The following NAV2 variants were observed in gnomAD, a reference collection of about 807,000 sequenced individuals.
NAV2 encodes neuron navigator 2.
A neutral mutation model predicts 223.2 loss-of-function variants in NAV2; 54 were observed. The observed-to-expected ratio is 0.24, with a 90% CI of 0.19 to 0.30. The LOEUF (loss-of-function observed/expected upper bound fraction) is 0.30, where lower values mean the gene tolerates loss of function less well. Ranked by LOEUF, NAV2 falls within the 10% of genes least tolerant of loss-of-function variation. NAV2 has a pLI of 1.00. For missense variants in NAV2, 2,806 were observed against 3,147.5 expected (o/e 0.89, Z 2.60); for synonymous variants, 1,279 against 1,239.3 (o/e 1.03, Z -0.67).
chr11:19,933,473 G>A lies in NAV2; in HGVS notation c.1229G>A (p.Ser410Asn). 1 of 1,610,488 alleles carries A rather than the reference G, an allele frequency of 6.2e-7. No homozygotes were observed. The highest frequency in any genetic ancestry group is 8.5e-7 in the Non-Finnish European group (1 of 1,178,600). Residue 410 changes from serine to asparagine, a missense_variant, in exon 7 of 38, where the codon AGT becomes AAT. By Grantham distance (46) the Ser-to-Asn change is conservative (BLOSUM62 1). Around this residue, in one of 4 missense-constraint regions of NAV2, gnomAD observed 1,167 missense variants for 1,180.5 expected, o/e 0.99. Coordinates refer to ENST00000349880, the MANE Select transcript of NAV2 (RefSeq NM_145117.5). This position sits in a 1 kb window ranked among gnomAD's most constrained non-coding sequence, Gnocchi z 4.3. ...SMLEKLKLFNSKGGSKAGEGP... is the reference protein window; with the variant it reads ...SMLEKLKLFNNKGGSKAGEGP... ...CTGGAAAAGCTGAAACTTTTCAACA[G>A]TAAAGGGGGCTCAAAGGCAGGTGAG...
chr11:19,540,757 G>A (rs1200498760), intron 1 of NAV2, among the ~76,000 whole-genome samples: 5 of 152,212 alleles, frequency 3.3e-5, no homozygotes, highest in Non-Finnish European at 7.3e-5. Flanking sequence ...CTGGCCAGGC[G>A]TGGTGGTTCA....
intron 1 of NAV2, among the ~76,000 whole-genome samples, chr11:19,555,012 C>CAAAAAAA (rs66625282): frequency 7.1e-6 from 1 of 141,554 alleles, no homozygotes; most frequent in African/African-American, 2.7e-5. Context: ...CCATGTTTTG[C>CAAAAAAA]AAAAAAAAAA....
chr11:19,645,975 A>G (rs990149876), intron 1 of NAV2, among the ~76,000 whole-genome samples: 2 of 152,236 alleles, frequency 1.3e-5, no homozygotes, highest in Non-Finnish European at 2.9e-5. Context: ...GCTGCGGCCA[A>G]GAACCTGGGT....
intron 1 of NAV2, among the ~76,000 whole-genome samples, chr11:19,406,577 A>C (rs1849907695): frequency 6.6e-6 from 1 of 152,080 alleles, no homozygotes; most frequent in South Asian, 2.1e-4. Flanking sequence ...CCGCCAATGA[A>C]GTTATACATT....
intron 1 of NAV2, among the ~76,000 whole-genome samples, chr11:19,820,998 C>A (rs529728672): frequency 1.3e-5 from 2 of 152,336 alleles, no homozygotes; most frequent in Admixed American, 6.5e-5. Flanking sequence ...CGCAGTGGCT[C>A]ACGCCTGTAA....
In NAV2 at chr11:20,036,047, A is replaced by C. The variant is rs762108270; in HGVS notation, c.2857A>C (p.Ser953Arg). The C allele has an allele frequency of 2.5e-6, 4 of 1,614,070 alleles. No individual in the cohort carries two copies. Among genetic ancestry groups the C allele is most frequent in the Admixed American group, 1.7e-5 (1 of 59,998 alleles). ...TGACATCAACACCAGCTCCTCCATC[A>C]GCTCTTATGCCAACACACCTGCCTC... ...TDDINTSSSI[S>R]SYANTPASSR... Residue 953 changes from serine to arginine, a missense_variant, in exon 12 of 38, where the codon AGC (serine) becomes CGC (arginine). Around this residue, in one of 4 missense-constraint regions of NAV2, gnomAD observed 73 missense variants for 119.7 expected, o/e 0.61. Coordinates refer to ENST00000349880, the MANE Select transcript of NAV2 (RefSeq NM_145117.5).
At chr11:19,864,284 A>G (rs1030684970) in intron 3 of NAV2, among the ~76,000 whole-genome samples, 12 of 152,196 alleles carry the variant, frequency 7.9e-5, no homozygotes, top group Non-Finnish European at 1.2e-4. Context: ...AGGCTGTGGT[A>G]GCACCCATAG....
chr11:20,108,292 T>C (rs1336575520), intron 36 of NAV2, among the ~76,000 whole-genome samples: 1 of 152,202 alleles, frequency 6.6e-6, no homozygotes. Context: ...GGTCTGGGAT[T>C]TGAATCCATG....
chr11:19,832,463 G>T, intron 1 of NAV2, 21 bp from the exon 2 acceptor site: 1 of 1,572,494 alleles, frequency 6.4e-7, no homozygotes, highest in Non-Finnish European at 8.6e-7. Flanking sequence ...TCCTAAAGTT[G>T]CCTGTTTGCT....
chr11:19,436,000 T>A lies in NAV2; in HGVS notation c.75+84973T>A, dbSNP rs146944429. Among the ~76,000 whole-genome samples the A allele has an allele frequency of 9.6e-3, 1,468 of 152,278 alleles. 24 individuals carry two copies. The highest frequency in any genetic ancestry group is 0.034 in the African/African-American group (1,395 of 41,566). Reference sequence around the variant, plus strand: ...TATCCAATGTATGATTTGCAAATATTTCCCCCCAGTCTCTGTGTCGTCTCT... The same window carrying A: ...TATCCAATGTATGATTTGCAAATATATCCCCCCAGTCTCTGTGTCGTCTCT... On this transcript the variant is annotated intron_variant, in intron 1 of 37. Coordinates refer to the NAV2 transcript ENST00000360655.
intron 1 of NAV2, among the ~76,000 whole-genome samples, chr11:19,783,140 A>G (rs1300839608): frequency 4.6e-5 from 7 of 152,186 alleles, no homozygotes; most frequent in Non-Finnish European, 8.8e-5. Context: ...GTATGTCTGT[A>G]GAGGGTCCAG....
intron 5 of NAV2, among the ~76,000 whole-genome samples, chr11:19,886,912 G>T (rs995903874): frequency 1.3e-5 from 2 of 152,122 alleles, no homozygotes; most frequent in Admixed American, 1.3e-4. Flanking sequence ...TTTTGTCTCT[G>T]CTGAGGCCAA....
At chr11:19,432,558 A>G (rs1449332532) in intron 1 of NAV2, among the ~76,000 whole-genome samples, 1 of 152,240 alleles carries the variant, frequency 6.6e-6, no homozygotes, top group Non-Finnish European at 1.5e-5. Context: ...CGTCATGGAC[A>G]GTGAGGAGGT....
intron 10 of NAV2, among the ~76,000 whole-genome samples, chr11:19,973,474 T>G (rs1326401164): frequency 6.6e-6 from 1 of 152,138 alleles, no homozygotes; most frequent in Non-Finnish European, 1.5e-5. Context: ...TTCGGGAGAA[T>G]GCATTTTCCA....
At chr11:19,662,796 A>G (rs945896599) in intron 1 of NAV2, among the ~76,000 whole-genome samples, 1 of 152,254 alleles carries the variant, frequency 6.6e-6, no homozygotes, top group Non-Finnish European at 1.5e-5. Context: ...GTCCAGTGCC[A>G]GGTAGCCTTT....
At chr11:19,755,432 C>G (rs988279568) in intron 1 of NAV2, among the ~76,000 whole-genome samples, 2 of 152,156 alleles carry the variant, frequency 1.3e-5, no homozygotes, top group East Asian at 3.9e-4. Context: ...GTATTTGTTT[C>G]CTATGGCTAC....
chr11:19,721,318 T>C (rs997940763), intron 1 of NAV2, among the ~76,000 whole-genome samples: 4 of 152,254 alleles, frequency 2.6e-5, no homozygotes, highest in African/African-American at 9.6e-5. Context: ...TAGTTGCTTA[T>C]AGTTGCTTAA....
chr11:19,914,647 C>G (rs903758489), intron 6 of NAV2, among the ~76,000 whole-genome samples: 4 of 151,866 alleles, frequency 2.6e-5, no homozygotes, highest in African/African-American at 9.7e-5. Context: ...CGGGTTCACG[C>G]CATTCTCCTG....
In NAV2 at chr11:19,618,372, GGATGGATGGATGGATGGATGGATGAATA is replaced by G. The variant is rs1354655910; in HGVS notation, c.76-214087_76-214060del. ...TGGATTGCTGGATGGATGGATGGAT[GGATGGATGGATGGATGGATGGATGAATA>G]GATGGATGGATGGATGGATGGATGG... On this transcript the variant is annotated intron_variant, in intron 1 of 37. Coordinates refer to the NAV2 transcript ENST00000360655. Among the ~76,000 whole-genome samples, 51 of 98,004 alleles carry G rather than the reference GGATGGATGGATGGATGGATGGATGAATA, an allele frequency of 5.2e-4. 1 individual carries two copies. The highest frequency in any genetic ancestry group is 1.9e-3 in the African/African-American group (47 of 24,318). 64.3% of individuals were successfully genotyped at this position (98,004 alleles called of 152,430 possible). A position where few individuals can be genotyped will look rare whatever the true frequency, so the allele number is the denominator to read the frequency against.
Sources: allele counts gnomAD v4.1 joint callset (sites outside exome capture counted in the v4.1 genomes callset), GRCh38; gene constraint gnomAD v4.1.1; regional missense constraint gnomAD v4.1.1; non-coding constraint Gnocchi (gnomAD v3.1); transcripts MANE v1.5; gene names NCBI Gene and HGNC (gene_info 2026-07-23, HGNC 2026-07-21).